Variants in VPS37D observed in about 807,000 individuals in gnomAD.
The protein encoded by VPS37D is vacuolar protein sorting-associated protein 37D.
VPS37D carries 5 observed loss-of-function variants against 22.0 expected under a neutral mutation model. That is an observed-to-expected ratio of 0.23 (90% confidence interval 0.12 to 0.48). The LOEUF is 0.48. VPS37D is among the 20% of genes least tolerant of loss of function. The pLI is 0.99. For missense variants in VPS37D, 384 were observed against 345.8 expected (o/e 1.11, Z -0.88); for synonymous variants, 174 against 159.3 (o/e 1.09, Z -0.69).
rs781975303 is a variant in VPS37D, at chr7:73,669,450, G to C, written c.170G>C (p.Cys57Ser). 3 of 1,574,448 alleles carry C rather than the reference G, an allele frequency of 1.9e-6. No individual in the cohort carries two copies. The highest frequency in any genetic ancestry group is 2.1e-4 in the Middle Eastern group (1 of 4,876). ...FQGLQLEREA[C>S]LASNYALAKE... The stretch of plus-strand genomic sequence containing the variant: ...GGCCTGCAGCTGGAGCGTGAGGCCT[G>C]CCTGGCCTCCAACTACGCGCTGGCC... Residue 57 changes from cysteine (C) to serine (S), a missense_variant, in exon 2 of 4, where the codon TGC becomes TCC. Coordinates refer to ENST00000324941, the MANE Select transcript of VPS37D (RefSeq NM_001077621.2).
rs1554609765 is a variant in VPS37D at position 73,671,343 on chromosome 7, T to A, written c.723T>A (p.Pro241=). The part of the protein sequence containing the change: ...CPLGPAPLLS[P]RPSQPEPPHR ...TCGGCCCGGCCCCCCTGCTGAGCCC[T>A]CGGCCCTCGCAGCCAGAGCCCCCCC... The change falls in exon 4 of 4, where the codon CCT becomes CCA. Residue 241 remains proline (P), a synonymous_variant. Coordinates refer to ENST00000324941, the MANE Select transcript of VPS37D (RefSeq NM_001077621.2). 8 of 1,374,696 alleles carry A rather than the reference T, an allele frequency of 5.8e-6. No homozygotes were observed. The highest frequency in any genetic ancestry group is 7.5e-6 in the Non-Finnish European group (8 of 1,065,878). 85.2% of individuals were successfully genotyped at this position (1,374,696 alleles called of 1,614,324 possible). A position where few individuals can be genotyped will look rare whatever the true frequency, so the allele number is the denominator to read the frequency against.
intron 3 of VPS37D, 138 bp downstream of exon 3, chr7:73,670,240 C>T (rs1797477001): frequency 7.2e-7 from 1 of 1,386,990 alleles, no homozygotes; most frequent in Admixed American, 2.3e-5. Context: ...ATGCCAGAGC[C>T]TAGCATTGCT....
At position 73,667,928 on chromosome 7, in the gene VPS37D, A is replaced by G. The variant is rs1226718384; in HGVS notation, c.-31A>G. On this transcript the variant is annotated 5_prime_UTR_variant, in exon 1 of 4. Transcript: ENST00000324941. ...CGGAGCGGGCCGAGCGGGCCGAGCC[A>G]GCAGCCGAGCTGGGGGCGCGGGCGG... is the stretch of plus-strand genomic sequence containing the variant. 1.1e-6 allele frequency: 1 copy of G among 898,726 alleles called. No individual in the cohort carries two copies. The highest frequency in any genetic ancestry group is 1.9e-5 in the African/African-American group (1 of 53,992). 55.7% of individuals were successfully genotyped at this position (898,726 alleles called of 1,614,324 possible).
At chr7:73,666,305 A>G (rs1880952), upstream of VPS37D, among the ~76,000 whole-genome samples, 149,653 of 152,334 alleles carry the variant, frequency 0.98, 73,561 homozygotes, top group Middle Eastern at 1. Context: ...ACAGGGCCTA[A>G]CCCAGTGTTC....
In VPS37D at chr7:73,671,176, G is replaced by A. The variant is rs782368939; in HGVS notation, c.556G>A (p.Ala186Thr). 4.4e-6 allele frequency: 7 copies of A among 1,603,852 alleles called. No individual in the cohort carries two copies. Among genetic ancestry groups the A allele is most frequent in the Non-Finnish European group, 5.9e-6 (7 of 1,177,764 alleles). Residue 186 changes from alanine to threonine, a missense_variant, in exon 4 of 4, where the codon GCT (alanine) becomes ACT (threonine). Ala to Thr is a moderately conservative substitution (Grantham distance 58). Transcript: ENST00000324941. ...TTCTGCCCAGCCGGCCCCCACCTCG[G>A]CTGCTGATCCCCCCAAATCCTTCCC... ...ERSAQPAPTS[A>T]ADPPKSFPAA...
chr7:73,666,108 T>C (rs1797367202), upstream of VPS37D, among the ~76,000 whole-genome samples: 1 of 152,096 alleles, frequency 6.6e-6, no homozygotes, highest in South Asian at 2.1e-4. Context: ...AGTGTCTATT[T>C]CCTGAGATGG....
At chr7:73,667,659 C>A (rs974095720), upstream of VPS37D, among the ~76,000 whole-genome samples, 1 of 151,892 alleles carries the variant, frequency 6.6e-6, no homozygotes, top group Non-Finnish European at 1.5e-5. Flanking sequence ...CAGAGCAGGG[C>A]GGCTCAGATT....
At chr7:73,665,681 GC>G (rs1287274209), upstream of VPS37D, among the ~76,000 whole-genome samples, 2 of 152,086 alleles carry the variant, frequency 1.3e-5, no homozygotes, top group African/African-American at 2.4e-5. Flanking sequence ...AGCTCTTCCC[GC>G]CCCTATGCCT....
chr7:73,666,416 C>CTCTTTTTTT (rs199683546), upstream of VPS37D, among the ~76,000 whole-genome samples: 2 of 152,150 alleles, frequency 1.3e-5, no homozygotes, highest in South Asian at 2.1e-4. Context: ...GCGACATCAT[C>CTCTTTTTTT]TCTTTTTTTT....
rs782179123 is a variant in VPS37D, at chr7:73,671,169, C to T, written c.549C>T (p.Pro183=). 2 of 1,604,646 alleles carry T rather than the reference C, an allele frequency of 1.2e-6. No individual in the cohort carries two copies. Among genetic ancestry groups the T allele is most frequent in the African/African-American group, 1.3e-5 (1 of 74,842 alleles). Reference sequence around the variant, plus strand: ...GGGAGCGTTCTGCCCAGCCGGCCCCCACCTCGGCTGCTGATCCCCCCAAAT... The same window carrying T: ...GGGAGCGTTCTGCCCAGCCGGCCCCTACCTCGGCTGCTGATCCCCCCAAAT... ...RRRERSAQPA[P]TSAADPPKSF... is the part of the protein sequence containing the mutation. Residue 183 remains proline (P), a synonymous_variant, in exon 4 of 4, where the codon CCC becomes CCT. Coordinates refer to ENST00000324941, the MANE Select transcript of VPS37D (RefSeq NM_001077621.2).
In VPS37D at chr7:73,668,163, G is replaced by A. The variant is rs545978380; in HGVS notation, c.138+67G>A. ...GCGGCCTGCGGGACCTGCCGCTCGA[G>A]GGAAGGGCCGCGCGGGCCGGGCCGC... On this transcript the variant is annotated intron_variant, in intron 1 of 3. Coordinates refer to ENST00000324941, the MANE Select transcript of VPS37D (RefSeq NM_001077621.2). 7.5e-5 allele frequency: 75 copies of A among 995,216 alleles called. No homozygotes were observed. The East Asian group carries it at 3.8e-3, about 50-fold the overall frequency. 61.6% of individuals were successfully genotyped at this position (995,216 alleles called of 1,614,324 possible).
At chr7:73,668,442 G>A (rs1386570698) in intron 1 of VPS37D, among the ~76,000 whole-genome samples, 1 of 151,570 alleles carries the variant, frequency 6.6e-6, no homozygotes, top group Admixed American at 6.6e-5. Flanking sequence ...AAGAGGAGGC[G>A]CCTTCCACTG....
At chr7:73,666,953 T>A (rs1167833650), upstream of VPS37D, among the ~76,000 whole-genome samples, 1 of 149,404 alleles carries the variant, frequency 6.7e-6, no homozygotes, top group Non-Finnish European at 1.5e-5. Flanking sequence ...TAAATACTTT[T>A]AAAAATTGTT....
chr7:73,666,784 A>C (rs1044634644), upstream of VPS37D, among the ~76,000 whole-genome samples: 10 of 151,870 alleles, frequency 6.6e-5, no homozygotes, highest in African/African-American at 2.4e-4. Context: ...CCATATCACT[A>C]TCCCTCAGCA....
Position 73,671,317 on chromosome 7 carries a change from C to T in VPS37D, c.697C>T (p.Leu233Phe), listed in dbSNP as rs782806222. The change falls in exon 4 of 4, where the codon CTC (leucine) becomes TTC (phenylalanine). Residue 233 changes from leucine (L) to phenylalanine (F), a missense_variant. Transcript: ENST00000324941. ...ACTGAAGGGCTCCCCCGGGTGCCCCCTCGGCCCGGCCCCCCTGCTGAGCCC... is the reference window on the plus strand; with the variant it reads ...ACTGAAGGGCTCCCCCGGGTGCCCCTTCGGCCCGGCCCCCCTGCTGAGCCC... ...PPLKGSPGCP[L>F]GPAPLLSPRP... 1 of 1,381,436 alleles carries T rather than the reference C, an allele frequency of 7.2e-7. No individual in the cohort carries two copies. Among genetic ancestry groups the T allele is most frequent in the Non-Finnish European group, 9.4e-7 (1 of 1,062,720 alleles). The allele number at this position is 1,381,436 out of a possible 1,614,324, so 85.6% of individuals were successfully genotyped here.
At chr7:73,667,392 A>G (rs1278945377), upstream of VPS37D, among the ~76,000 whole-genome samples, 1 of 152,050 alleles carries the variant, frequency 6.6e-6, no homozygotes, top group East Asian at 1.9e-4. Context: ...CGGTCTCCCA[A>G]ATCGCTGGAA....
Position 73,669,693 on chromosome 7 carries a change from C to T in VPS37D, c.310+103C>T, listed in dbSNP as rs138930441. 2.2e-3 allele frequency: 2,524 copies of T among 1,169,680 alleles called. 5 individuals carry two copies. Among genetic ancestry groups the T allele is most frequent in the Middle Eastern group, 5.0e-3 (16 of 3,204 alleles). The allele number at this position is 1,169,680 out of a possible 1,614,324, so 72.5% of individuals were successfully genotyped here. On this transcript the variant is annotated intron_variant, in intron 2 of 3. Coordinates refer to ENST00000324941, the MANE Select transcript of VPS37D (RefSeq NM_001077621.2). ...CAGGCTCTGATGGATGGGAGTTGGGCGGACCTGCTCCTGGCTTGCTGGGCA... is the reference window on the plus strand; with the variant it reads ...CAGGCTCTGATGGATGGGAGTTGGGTGGACCTGCTCCTGGCTTGCTGGGCA...
intron 3 of VPS37D, 139 bp from the exon 4 acceptor site, chr7:73,670,863 TCGGAGGCAGGCC>T (rs1797492067): frequency 9.1e-7 from 1 of 1,095,676 alleles, no homozygotes; most frequent in Non-Finnish European, 1.3e-6. Context: ...TAGCAAGTAA[TCGGAGGCAGGCC>T]CAGGCTGGAA....
intron 2 of VPS37D, 97 bp from the exon 3 acceptor site, chr7:73,669,923 C>G: frequency 6.5e-7 from 1 of 1,534,542 alleles, no homozygotes; most frequent in Non-Finnish European, 8.8e-7. Context: ...GGCTCTAGAC[C>G]AGGGGAAAGG....
Sources: gnomAD v4.1 joint callset for allele counts (sites outside exome capture counted in the v4.1 genomes callset) on GRCh38, gnomAD v4.1.1 for gene constraint, MANE v1.5 for transcripts, NCBI Gene and HGNC (gene_info 2026-07-23, HGNC 2026-07-21) for gene names.